The following RPH3A variants were observed in gnomAD, a reference collection of about 807,000 sequenced individuals.
The protein encoded by RPH3A is rabphilin-3A.
RPH3A carries 48 observed loss-of-function variants against 102.2 expected under a neutral mutation model. The ratio of observed to expected loss-of-function variants is 0.47; its 90% CI spans 0.37 to 0.60. The LOEUF is 0.60. Among genes scored for constraint, RPH3A ranks in the 20% least tolerant of loss-of-function variants. The pLI, the probability that RPH3A is intolerant of heterozygous loss-of-function variation, is 0.00. For missense variants in RPH3A, 781 were observed against 910.1 expected, an observed-to-expected ratio of 0.86 and a Z score of 1.83; for synonymous variants, 310 against 324.3, an observed-to-expected ratio of 0.96 and a Z score of 0.47.
chr12:112,726,125 G>A (rs2040588969), intron 1 of RPH3A, among the ~76,000 whole-genome samples: 1 of 150,684 alleles, frequency 6.6e-6, no homozygotes, highest in South Asian at 2.1e-4. Context: ...GGGTGTACTG[G>A]GGAGTGGGGG....
chr12:112,761,455 T>C (rs2040854787), intron 1 of RPH3A, among the ~76,000 whole-genome samples: 2 of 152,224 alleles, frequency 1.3e-5, no homozygotes, highest in African/African-American at 4.8e-5. Context: ...GGCAACACTA[T>C]GGTGTGAGCC....
chr12:112,677,473 C>CCTTCCTTCCTTCCTTT (rs1566254607), intron 1 of RPH3A, among the ~76,000 whole-genome samples: 2 of 140,226 alleles, frequency 1.4e-5, no homozygotes, highest in African/African-American at 5.6e-5. Flanking sequence ...TTCCTTCCTT[C>CCTTCCTTCCTTCCTTT]CTTCCTTCCT....
intron 1 of RPH3A, among the ~76,000 whole-genome samples, chr12:112,725,440 ATCAGCTTT>A (rs1166412941): frequency 6.6e-6 from 1 of 152,152 alleles, no homozygotes; most frequent in African/African-American, 2.4e-5. Flanking sequence ...AAAGGCCCCC[ATCAGCTTT>A]CTTGGAGCCT....
chr12:112,764,014 G>T (rs1305868511), intron 1 of RPH3A, among the ~76,000 whole-genome samples: 1 of 152,180 alleles, frequency 6.6e-6, no homozygotes, highest in Non-Finnish European at 1.5e-5. Context: ...CTGCCTAAGG[G>T]CAGCCAGTAG....
rs549615805 is a variant in RPH3A, at chr12:112,688,343, T to A, written c.-139-103800T>A. On this transcript the variant is annotated intron_variant, in intron 1 of 21. Coordinates refer to the RPH3A transcript ENST00000543106. ...GGGAGAAGGTTTTCATTAGAGATGC[T>A]GTATTCTAGGAGAGAGACCTAGCAA... Among the ~76,000 whole-genome samples the A allele has an allele frequency of 9.8e-4, 150 of 152,298 alleles. 1 individual carries two copies. The highest frequency in any genetic ancestry group is 3.4e-3 in the African/African-American group (142 of 41,556).
upstream of RPH3A, among the ~76,000 whole-genome samples, chr12:112,789,099 G>A (rs757422424): frequency 6.6e-6 from 1 of 152,070 alleles, no homozygotes; most frequent in Admixed American, 6.5e-5. Context: ...TGGAGGTTGC[G>A]GTTAGGCGAG....
chr12:112,896,000 A>G, intron 21 of RPH3A, 127 bp downstream of exon 21: 1 of 648,922 alleles, frequency 1.5e-6, no homozygotes, highest in Non-Finnish European at 2.7e-6. Context: ...TCAAATGCTA[A>G]ATTGAGACCC....
chr12:112,801,576 C>A (rs895998831), intron 2 of RPH3A, among the ~76,000 whole-genome samples: 3 of 152,074 alleles, frequency 2.0e-5, no homozygotes, highest in African/African-American at 7.2e-5. Flanking sequence ...CGGAGGGGGA[C>A]TGTGGTTTTA....
intron 1 of RPH3A, among the ~76,000 whole-genome samples, chr12:112,752,285 AT>A (rs1306304558): frequency 6.6e-6 from 1 of 152,102 alleles, no homozygotes; most frequent in Non-Finnish European, 1.5e-5. Context: ...CATAGAAAGG[AT>A]TTTTTCATAA....
At chr12:112,621,360 G>A (rs1436662099) in intron 1 of RPH3A, among the ~76,000 whole-genome samples, 45 of 149,438 alleles carry the variant, frequency 3.0e-4, no homozygotes, top group Admixed American at 2.9e-3. Context: ...CGCACCGTGC[G>A]CGAGCCGAAG....
intron 11 of RPH3A, 84 bp from the exon 12 acceptor site, chr12:112,875,595 C>A: frequency 8.2e-7 from 1 of 1,223,430 alleles, no homozygotes; most frequent in Non-Finnish European, 1.2e-6. Context: ...GTGTCCACAC[C>A]TGTGAAATGA....
At chr12:112,719,569 G>A (rs1441189044) in intron 1 of RPH3A, among the ~76,000 whole-genome samples, 3 of 152,164 alleles carry the variant, frequency 2.0e-5, no homozygotes, top group African/African-American at 4.8e-5. Flanking sequence ...CACTCCATGA[G>A]GGCAGGGACC....
rs138657954 is a variant in RPH3A, at chr12:112,679,312, C to T, written c.-140+103993C>T. Among the ~76,000 whole-genome samples, 166 of 152,186 alleles carry T rather than the reference C, an allele frequency of 1.1e-3. 1 individual carries two copies. The highest frequency in any genetic ancestry group is 3.9e-3 in the African/African-American group (161 of 41,504). The stretch of plus-strand genomic sequence containing the variant: ...GAGACTACAGGCGCATGCCACGAGG[C>T]CCAGCTAATTTTTTGTATTTTTAGT... On this transcript the variant is annotated intron_variant, in intron 1 of 21. Transcript: ENST00000543106.
At chr12:112,859,464 TA>T (rs1486861404) in intron 5 of RPH3A, among the ~76,000 whole-genome samples, 3 of 152,154 alleles carry the variant, frequency 2.0e-5, no homozygotes, top group Admixed American at 1.3e-4. Flanking sequence ...AAGAGGGAAG[TA>T]AAAATTACCC....
intron 1 of RPH3A, among the ~76,000 whole-genome samples, chr12:112,652,483 A>G (rs890792520): frequency 3.3e-5 from 5 of 152,060 alleles, no homozygotes; most frequent in Non-Finnish European, 7.4e-5. Flanking sequence ...AAAACAACAA[A>G]ACTCCAAACC....
At chr12:112,825,556 T>C (rs2041853459) in intron 2 of RPH3A, among the ~76,000 whole-genome samples, 1 of 152,088 alleles carries the variant, frequency 6.6e-6, no homozygotes, top group Admixed American at 6.6e-5. Context: ...GGTGGGACCT[T>C]CAGAGGGGTG....
intron 1 of RPH3A, among the ~76,000 whole-genome samples, chr12:112,772,710 G>A (rs2040935241): frequency 6.8e-6 from 1 of 147,082 alleles, no homozygotes; most frequent in Non-Finnish European, 1.5e-5. Context: ...GGCTTGCACA[G>A]AAATTAATTA....
At chr12:112,648,595 A>AAAAAAAAAAAAAAAAAC (rs1306689906) in intron 1 of RPH3A, among the ~76,000 whole-genome samples, 2 of 140,104 alleles carry the variant, frequency 1.4e-5, no homozygotes, top group African/African-American at 2.7e-5. Flanking sequence ...AAAAAAAAAA[A>AAAAAAAAAAAAAAAAAC]AAAGCTAGGT....
At chr12:112,770,643 T>A (rs1435753704) in intron 1 of RPH3A, among the ~76,000 whole-genome samples, 1 of 152,234 alleles carries the variant, frequency 6.6e-6, no homozygotes, top group Non-Finnish European at 1.5e-5. Flanking sequence ...GGCAATTCTG[T>A]CATTCTTAAA....
Sources: allele counts gnomAD v4.1 joint callset (sites outside exome capture counted in the v4.1 genomes callset), GRCh38; gene constraint gnomAD v4.1.1; transcripts MANE v1.5; gene names NCBI Gene and HGNC (gene_info 2026-07-23, HGNC 2026-07-21).